Variants in NCF2 observed in about 807,000 individuals in gnomAD.
NCF2 encodes the protein neutrophil cytosolic factor 2.
NCF2 carries 45 observed loss-of-function variants against 70.9 expected under a neutral mutation model. The ratio of observed to expected loss-of-function variants is 0.63; its 90% CI spans 0.50 to 0.81. The LOEUF is 0.81. Among genes scored for constraint, NCF2 ranks in the 40% least tolerant of loss-of-function variants. The pLI is 0.00. For synonymous variants in NCF2, 203 were observed against 233.6 expected (o/e 0.87, Z 1.19); for missense variants, 522 against 631.6 (o/e 0.83, Z 1.86).
chr1:183,570,880 T>G, intron 5 of NCF2, 41 bp from the exon 6 acceptor site: 1 of 1,602,070 alleles, frequency 6.2e-7, no homozygotes, highest in Non-Finnish European at 8.6e-7. Flanking sequence ...CTGCCAGCAC[T>G]GTTTCCATTC....
In NCF2 at chr1:183,566,847, C is replaced by G. The variant is rs1572154552; in HGVS notation, c.924+73G>C. Reference sequence around the variant, plus strand: ...GGGTCCTGACAACACCTCTTTTACACTGCTTTTCTCCCCTCCAGGGAGAGA... The same window carrying G: ...GGGTCCTGACAACACCTCTTTTACAGTGCTTTTCTCCCCTCCAGGGAGAGA... On this transcript the variant is annotated intron_variant, in intron 9 of 14. Transcript: ENST00000367535. 2.5e-6 allele frequency: 4 copies of G among 1,587,400 alleles called. No individual in the cohort carries two copies. The East Asian group carries it at 8.9e-5, about 35-fold the overall frequency.
chr1:183,584,721 C>T (rs1673260942), intron 2 of NCF2, among the ~76,000 whole-genome samples: 2 of 152,024 alleles, frequency 1.3e-5, no homozygotes, highest in South Asian at 4.1e-4. Context: ...CCTGCATATT[C>T]TATAGTCTGG....
intron 2 of NCF2, among the ~76,000 whole-genome samples, chr1:183,581,549 G>C (rs1192351726): frequency 6.6e-6 from 1 of 151,654 alleles, no homozygotes; most frequent in African/African-American, 2.4e-5. Flanking sequence ...GGCTGGTCTC[G>C]AACTCCTGGG....
rs368781381 is a variant in NCF2 at position 183,590,227 on chromosome 1, G to A, written c.103C>T (p.Pro35Ser). 1 of 1,614,146 alleles carries A rather than the reference G, an allele frequency of 6.2e-7. No individual in the cohort carries two copies. The highest frequency in any genetic ancestry group is 8.5e-7 in the Non-Finnish European group (1 of 1,180,032). The part of the protein sequence containing the change: ...ALDAFSAVQD[P>S]HSRICFNIGC... ...ATGTTGAAGCAAATCCGGGAGTGGG[G>A]GTCCTGGACGGCACTGAAGGCATCC... The change falls in exon 1 of 15, where the codon CCC (proline) becomes TCC (serine). Residue 35 changes from proline (P) to serine (S), a missense_variant. Physicochemically the swap from Pro to Ser is moderately conservative, Grantham distance 74 (BLOSUM62 -1). Coordinates refer to ENST00000367535, the MANE Select transcript of NCF2 (RefSeq NM_000433.4).
chr1:183,586,254 A>T (rs986989432), intron 2 of NCF2, among the ~76,000 whole-genome samples: 31 of 152,298 alleles, frequency 2.0e-4, no homozygotes, highest in Admixed American at 1.8e-3. Context: ...GAATCGCTTG[A>T]GCCTGGGAGG....
the NCF2 span, among the ~76,000 whole-genome samples, chr1:183,596,430 A>C: frequency 6.6e-6 from 1 of 151,928 alleles, no homozygotes; most frequent in African/African-American, 2.4e-5. Flanking sequence ...ATAGAGATTA[A>C]AGATCTGAAT....
chr1:183,568,357 G>A (rs957789846), intron 7 of NCF2, among the ~76,000 whole-genome samples: 9 of 151,936 alleles, frequency 5.9e-5, no homozygotes, highest in African/African-American at 1.9e-4. Context: ...AGTAGACATG[G>A]GGTTTTGCCA....
At chr1:183,567,138 C>G in intron 8 of NCF2, 66 bp downstream of exon 8, 1 of 1,609,606 alleles carries the variant, frequency 6.2e-7, no homozygotes, top group Non-Finnish European at 8.5e-7. Context: ...AGATACTGCT[C>G]CACAGAGACT....
At chr1:183,583,904 C>A (rs780274152) in intron 2 of NCF2, among the ~76,000 whole-genome samples, 29 of 152,132 alleles carry the variant, frequency 1.9e-4, no homozygotes, top group Non-Finnish European at 4.1e-4. Context: ...CAAGATCACT[C>A]TGGAATATGA....
At chr1:183,593,279 A>G (rs1336429325), upstream of NCF2, among the ~76,000 whole-genome samples, 1 of 152,114 alleles carries the variant, frequency 6.6e-6, no homozygotes, top group Non-Finnish European at 1.5e-5. Context: ...AGCCACTATC[A>G]ACTCCCAGGT....
At chr1:183,576,739 C>G (rs1296029927) in intron 3 of NCF2, among the ~76,000 whole-genome samples, 1 of 152,128 alleles carries the variant, frequency 6.6e-6, no homozygotes, top group Non-Finnish European at 1.5e-5. Context: ...CCCCAGGGGC[C>G]GAGGGCGGCT....
chr1:183,582,419 C>T (rs191291244), intron 2 of NCF2, among the ~76,000 whole-genome samples: 61 of 152,334 alleles, frequency 4.0e-4, no homozygotes, highest in African/African-American at 1.3e-3. Context: ...GATCCACCAG[C>T]TGAAGCAGCA....
At chr1:183,570,686 A>G (rs749249406) in intron 6 of NCF2, 94 bp downstream of exon 6, 10 of 1,342,112 alleles carry the variant, frequency 7.5e-6, no homozygotes, top group Non-Finnish European at 1.1e-5. Flanking sequence ...AGCCCTTACA[A>G]TCAGGCAACT....
In NCF2 at chr1:183,574,548, G is replaced by A; in HGVS notation, c.440C>T (p.Ala147Val). 1 of 1,614,186 alleles carries A rather than the reference G, an allele frequency of 6.2e-7. No homozygotes were observed. Among genetic ancestry groups the A allele is most frequent in the South Asian group, 1.1e-5 (1 of 91,086 alleles). Residue 147 changes from alanine to valine, a missense_variant, in exon 4 of 15, where the codon GCC (alanine) becomes GTC (valine). Transcript: ENST00000367535. ...TCTGGGCTCAGACTTCATGCTCGTGGCCAATGCTAACTGTTCTTCAGCTTT... is the reference window on the plus strand; with the variant it reads ...TCTGGGCTCAGACTTCATGCTCGTGACCAATGCTAACTGTTCTTCAGCTTT... ...WKKAEEQLAL[A>V]TSMKSEPRHS...
At chr1:183,572,709 A>C (rs1197480439) in intron 5 of NCF2, among the ~76,000 whole-genome samples, 1 of 152,120 alleles carries the variant, frequency 6.6e-6, no homozygotes, top group Non-Finnish European at 1.5e-5. Flanking sequence ...GTGCAATCAT[A>C]GCTCACTGTA....
intron 13 of NCF2, among the ~76,000 whole-genome samples, chr1:183,562,494 C>T (rs866160495): frequency 7.9e-5 from 12 of 152,018 alleles, no homozygotes; most frequent in Non-Finnish European, 1.5e-4. Context: ...ATTTTCTGAA[C>T]GGGGAAGATA....
chr1:183,572,543 G>A (rs1378514912), intron 5 of NCF2, among the ~76,000 whole-genome samples: 4 of 152,212 alleles, frequency 2.6e-5, no homozygotes, highest in African/African-American at 9.7e-5. Flanking sequence ...CTGTGGAAGT[G>A]GGGAAAGACT....
rs1673581987 is a variant in NCF2, at chr1:183,590,270, C to T, written c.60G>A (p.Lys20=). Residue 20 remains lysine, a synonymous_variant, in exon 1 of 15, where the codon AAG becomes AAA. Transcript: ENST00000367535. ...WNEGVLAADK[K]DWKGALDAFS... ...AGGCATCCAGGGCTCCCTTCCAGTC[C>T]TTCTTGTCCGCTGCCAGCACCCCTT... 2.5e-6 allele frequency: 4 copies of T among 1,614,008 alleles called. No individual in the cohort carries two copies. The highest frequency in any genetic ancestry group is 1.3e-5 in the African/African-American group (1 of 74,914).
intron 2 of NCF2, among the ~76,000 whole-genome samples, chr1:183,579,887 T>G (rs978844319): frequency 6.6e-6 from 1 of 152,214 alleles, no homozygotes; most frequent in Non-Finnish European, 1.5e-5. Flanking sequence ...TTTGTTGTTT[T>G]ATTTTCTTTA....
Sources: gnomAD v4.1 joint callset for allele counts (sites outside exome capture counted in the v4.1 genomes callset) on GRCh38, gnomAD v4.1.1 for gene constraint, MANE v1.5 for transcripts, NCBI Gene and HGNC (gene_info 2026-07-23, HGNC 2026-07-21) for gene names.